Variants in ELP4 observed in about 807,000 individuals in gnomAD.
The protein encoded by ELP4 is elongator acetyltransferase complex subunit 4.
A neutral mutation model predicts 48.9 loss-of-function variants in ELP4; 51 were observed. The observed-to-expected ratio is 1.04, with a 90% CI of 0.83 to 1.32. ELP4 has a LOEUF of 1.32. Ranked by LOEUF, ELP4 falls within the 40% of genes most tolerant of loss-of-function variation. ELP4 has a pLI of 0.00. For synonymous variants in ELP4, 210 were observed against 189.2 expected (o/e 1.11, Z -0.90); for missense variants, 519 against 514.6 (o/e 1.01, Z -0.08).
chr11:31,774,215 C>A (rs557537788), intron 9 of ELP4, among the ~76,000 whole-genome samples: 35 of 152,292 alleles, frequency 2.3e-4, no homozygotes, highest in African/African-American at 7.7e-4. Flanking sequence ...GGCCTCTCTA[C>A]CCTTATCTCA....
intron 7 of ELP4, among the ~76,000 whole-genome samples, chr11:31,636,875 ATATAT>A (rs1419950999): frequency 6.6e-5 from 10 of 152,010 alleles, no homozygotes; most frequent in Non-Finnish European, 1.2e-4. Flanking sequence ...TGTTCAACAA[ATATAT>A]TATGAATGTC....
intron 2 of ELP4, among the ~76,000 whole-genome samples, chr11:31,534,993 C>G (rs1243943457): frequency 6.6e-6 from 1 of 152,174 alleles, no homozygotes; most frequent in African/African-American, 2.4e-5. Flanking sequence ...CCATAGTTGT[C>G]TCTGCTAGCT....
intron 9 of ELP4, among the ~76,000 whole-genome samples, chr11:31,731,567 GGTGTGTGTGTGT>G (rs148076836): frequency 4.2e-5 from 6 of 142,866 alleles, no homozygotes; most frequent in East Asian, 4.1e-4. Flanking sequence ...CCATTAAGCA[GGTGTGTGTGTGT>G]GTGTGTGTGT....
At chr11:31,742,058 G>A (rs1376580054) in intron 9 of ELP4, among the ~76,000 whole-genome samples, 1 of 152,220 alleles carries the variant, frequency 6.6e-6, no homozygotes, top group Non-Finnish European at 1.5e-5. Context: ...TAAATCACCT[G>A]ATAGAGCTGA....
At chr11:31,527,728 T>C (rs1956321033) in intron 2 of ELP4, among the ~76,000 whole-genome samples, 1 of 152,126 alleles carries the variant, frequency 6.6e-6, no homozygotes, top group African/African-American at 2.4e-5. Flanking sequence ...CAGTTCATTA[T>C]CATAATGTTG....
At chr11:31,615,305 A>G (rs1300778235) in intron 5 of ELP4, among the ~76,000 whole-genome samples, 1 of 152,068 alleles carries the variant, frequency 6.6e-6, no homozygotes, top group East Asian at 1.9e-4. Context: ...AAAACAGGCA[A>G]AAGGTTAACG....
chr11:31,579,368 A>T (rs934529669), intron 3 of ELP4, among the ~76,000 whole-genome samples: 1 of 152,206 alleles, frequency 6.6e-6, no homozygotes, highest in Non-Finnish European at 1.5e-5. Context: ...ATTGTGGAAG[A>T]CAGTGTGGCG....
At chr11:31,568,466 C>T (rs974657113) in intron 3 of ELP4, among the ~76,000 whole-genome samples, 2 of 151,686 alleles carry the variant, frequency 1.3e-5, no homozygotes, top group Non-Finnish European at 3.0e-5. Context: ...CTACAAAGAG[C>T]CCAAAGCAAT....
At chr11:31,563,751 A>G (rs1022042876) in intron 3 of ELP4, among the ~76,000 whole-genome samples, 11 of 152,026 alleles carry the variant, frequency 7.2e-5, no homozygotes, top group Non-Finnish European at 1.6e-4. Flanking sequence ...GTTTTTATTT[A>G]TTCATGACCC....
chr11:31,540,204 A>G (rs2133907168), intron 3 of ELP4, among the ~76,000 whole-genome samples: 1 of 152,340 alleles, frequency 6.6e-6, no homozygotes, highest in East Asian at 1.9e-4. Context: ...AATTTTCCAA[A>G]GTCTAAGCTT....
intron 9 of ELP4, among the ~76,000 whole-genome samples, chr11:31,696,734 A>G (rs988919298): frequency 2.0e-5 from 3 of 152,188 alleles, no homozygotes; most frequent in African/African-American, 7.2e-5. Context: ...CATCCATGCT[A>G]GGAGGAAACT....
intron 6 of ELP4, among the ~76,000 whole-genome samples, chr11:31,627,455 G>A (rs1019427551): frequency 2.0e-5 from 3 of 151,990 alleles, no homozygotes; most frequent in Non-Finnish European, 4.4e-5. Flanking sequence ...ATATGCATTT[G>A]TAGCATTTGG....
chr11:31,705,025 T>A (rs73475673), intron 9 of ELP4, among the ~76,000 whole-genome samples: 42,634 of 149,368 alleles, frequency 0.29, 6,618 homozygotes, highest in African/African-American at 0.42. Flanking sequence ...AAAAAAAAAA[T>A]TATATAGTAT....
chr11:31,575,272 A>G (rs1462224058), intron 3 of ELP4, among the ~76,000 whole-genome samples: 1 of 152,244 alleles, frequency 6.6e-6, no homozygotes, highest in East Asian at 1.9e-4. Flanking sequence ...CAAAGCCTCC[A>G]AGAAGTATGG....
Position 31,632,482 on chromosome 11 carries a change from A to G in ELP4, c.927+77A>G, listed in dbSNP as rs1378607599. 7 of 1,132,700 alleles carry G rather than the reference A, an allele frequency of 6.2e-6. No individual in the cohort carries two copies. The Admixed American group carries it at 1.0e-4, about 16-fold the overall frequency. 70.2% of individuals were successfully genotyped at this position (1,132,700 alleles called of 1,614,324 possible). ...CATTGTGGTTTTAGTTTGCATTTCC[A>G]TGATAACTAATGATGTTGACCATCT... On this transcript the variant is annotated intron_variant, in intron 7 of 9. Coordinates refer to ENST00000640961, the MANE Select transcript of ELP4 (RefSeq NM_019040.5).
intron 9 of ELP4, among the ~76,000 whole-genome samples, chr11:31,738,637 G>T (rs1251178860): frequency 1.3e-5 from 2 of 151,984 alleles, no homozygotes; most frequent in African/African-American, 2.4e-5. Context: ...GGGGGAGGTG[G>T]AGGTGGGAGG....
intron 2 of ELP4, among the ~76,000 whole-genome samples, chr11:31,528,649 T>C (rs1364082188): frequency 6.6e-6 from 1 of 152,132 alleles, no homozygotes; most frequent in Admixed American, 6.5e-5. Flanking sequence ...GTGTAGGTGA[T>C]GAAGGAGAGA....
intron 9 of ELP4, chr11:31,652,570 C>T (rs1945343614): frequency 1.3e-5 from 2 of 151,608 alleles, no homozygotes; most frequent in Non-Finnish European, 3.0e-5. Context: ...TTTTAATACT[C>T]ACAACAAATA....
intron 3 of ELP4, among the ~76,000 whole-genome samples, chr11:31,549,344 C>T (rs1200313601): frequency 4.6e-5 from 7 of 152,180 alleles, no homozygotes; most frequent in African/African-American, 1.7e-4. Context: ...ACAGACACTT[C>T]TCAAAAGAAG....
Sources: gnomAD v4.1 joint callset for allele counts (sites outside exome capture counted in the v4.1 genomes callset) on GRCh38, gnomAD v4.1.1 for gene constraint, MANE v1.5 for transcripts, NCBI Gene and HGNC (gene_info 2026-07-23, HGNC 2026-07-21) for gene names.